PRKN: variants seen among roughly 807,000 people sequenced by gnomAD.
The protein encoded by PRKN is parkin RBR E3 ubiquitin protein ligase, also known as E3 ubiquitin-protein ligase parkin.
PRKN carries 56 observed loss-of-function variants against 59.5 expected under a neutral mutation model. The observed-to-expected ratio is 0.94, with a 90% CI of 0.76 to 1.18. The LOEUF (loss-of-function observed/expected upper bound fraction) is 1.18, where lower values mean the gene tolerates loss of function less well. Among genes scored for constraint, PRKN ranks in the 50% most tolerant of loss-of-function variants. The pLI is 0.00. For missense variants in PRKN, 657 were observed against 596.4 expected (o/e 1.10, Z -1.06); for synonymous variants, 250 against 222.1 (o/e 1.13, Z -1.12).
rs139673142 is a variant in PRKN, at chr6:161,578,182, C to G, written c.872-8766G>C. On this transcript the variant is annotated intron_variant, in intron 7 of 11. Coordinates refer to ENST00000366898, the MANE Select transcript of PRKN (RefSeq NM_004562.3). This position sits in a 1 kb window ranked among gnomAD's most constrained non-coding sequence, Gnocchi z 4.2. ...TGGCTTGGAATCAAAGAGGCCAAAG[C>G]CTGGAGTGTTTGAGGAATCCAAGCA... is the stretch of plus-strand genomic sequence containing the variant. Among the ~76,000 whole-genome samples, 2 of 152,014 alleles carry G rather than the reference C, an allele frequency of 1.3e-5. No individual in the cohort carries two copies. Among genetic ancestry groups the G allele is most frequent in the African/African-American group, 4.8e-5 (2 of 41,488 alleles).
At chr6:162,544,964 A>G (rs1027959833) in intron 1 of PRKN, among the ~76,000 whole-genome samples, 14 of 148,420 alleles carry the variant, frequency 9.4e-5, no homozygotes, top group African/African-American at 3.4e-4. Flanking sequence ...GGTGTGAGCC[A>G]CCGCGCCCGG....
chr6:161,719,375 A>C (rs1787126928), intron 7 of PRKN, among the ~76,000 whole-genome samples: 1 of 152,122 alleles, frequency 6.6e-6, no homozygotes, highest in African/African-American at 2.4e-5. Flanking sequence ...GGGTGGGCAA[A>C]TGTTTTCTGT....
At chr6:161,557,684 T>C (rs1324541509) in intron 8 of PRKN, among the ~76,000 whole-genome samples, 1 of 152,138 alleles carries the variant, frequency 6.6e-6, no homozygotes, top group Non-Finnish European at 1.5e-5. Flanking sequence ...GAATCTAATT[T>C]TAAAAACTAC....
intron 6 of PRKN, among the ~76,000 whole-genome samples, chr6:161,886,249 TAC>T (rs1227053192): frequency 6.6e-6 from 1 of 152,192 alleles, no homozygotes; most frequent in Non-Finnish European, 1.5e-5. Flanking sequence ...TTCGACGAAA[TAC>T]AGATTTACTG....
At chr6:162,263,649 G>C (rs1277601982) in intron 2 of PRKN, among the ~76,000 whole-genome samples, 1 of 152,186 alleles carries the variant, frequency 6.6e-6, no homozygotes, top group African/African-American at 2.4e-5. Context: ...TGGAATTCTA[G>C]TTTCAGAATA....
chr6:162,395,061 TCTCAATCAA>T (rs930023120), intron 2 of PRKN, among the ~76,000 whole-genome samples: 1 of 152,166 alleles, frequency 6.6e-6, no homozygotes, highest in African/African-American at 2.4e-5. Context: ...AGATATACTA[TCTCAATCAA>T]CTCACCTATG....
chr6:162,228,803 G>T (rs1015613112), intron 3 of PRKN, among the ~76,000 whole-genome samples: 1 of 152,072 alleles, frequency 6.6e-6, no homozygotes, highest in African/African-American at 2.4e-5. Flanking sequence ...TTTAAATAGA[G>T]CTCCAATCTT....
intron 2 of PRKN, among the ~76,000 whole-genome samples, chr6:162,274,669 A>C (rs1282476713): frequency 6.6e-6 from 1 of 152,186 alleles, no homozygotes; most frequent in African/African-American, 2.4e-5. Flanking sequence ...CTGTTTTTAC[A>C]ATTAAATTTG....
intron 7 of PRKN, among the ~76,000 whole-genome samples, chr6:161,644,475 A>G (rs965609943): frequency 2.0e-5 from 3 of 152,246 alleles, no homozygotes; most frequent in African/African-American, 7.2e-5. Flanking sequence ...AAGAGGTGGT[A>G]GACACGTGGA....
chr6:162,283,066 C>A (rs1198454485), intron 2 of PRKN, among the ~76,000 whole-genome samples: 1 of 149,318 alleles, frequency 6.7e-6, no homozygotes, highest in Non-Finnish European at 1.5e-5. Context: ...TTTTTTTCTA[C>A]TTTTCTGTCA....
At chr6:162,107,476 A>G (rs555598624) in intron 4 of PRKN, among the ~76,000 whole-genome samples, 73 of 152,280 alleles carry the variant, frequency 4.8e-4, no homozygotes, top group African/African-American at 1.7e-3. Context: ...AAATAAATAA[A>G]TGAATAAAAA....
intron 1 of PRKN, among the ~76,000 whole-genome samples, chr6:162,631,400 T>C (rs944404054): frequency 9.2e-5 from 14 of 152,206 alleles, no homozygotes; most frequent in Non-Finnish European, 1.8e-4. Flanking sequence ...GCGTTCTGCC[T>C]GGAATTCCTT....
At chr6:162,321,321 T>G (rs1024935155) in intron 2 of PRKN, among the ~76,000 whole-genome samples, 2 of 151,856 alleles carry the variant, frequency 1.3e-5, no homozygotes, top group African/African-American at 4.8e-5. Context: ...CTACTAAATT[T>G]CAAGCCAGAG....
At chr6:162,154,726 TAA>T (rs1298086278) in intron 4 of PRKN, among the ~76,000 whole-genome samples, 1 of 152,054 alleles carries the variant, frequency 6.6e-6, no homozygotes, top group South Asian at 2.1e-4. Context: ...CATCAGAAAG[TAA>T]AAGAGCATCA....
chr6:162,622,130 T>A (rs891908777), intron 1 of PRKN, among the ~76,000 whole-genome samples: 9 of 152,032 alleles, frequency 5.9e-5, no homozygotes, highest in South Asian at 2.1e-4. Context: ...CACTTTAAGT[T>A]GAAGAAAAAA....
At chr6:161,623,303 C>A (rs1782973469) in intron 7 of PRKN, among the ~76,000 whole-genome samples, 1 of 152,116 alleles carries the variant, frequency 6.6e-6, no homozygotes, top group African/African-American at 2.4e-5. Context: ...CTCTCTTCAA[C>A]CATGTTTTCC....
At position 161,454,343 on chromosome 6, in the gene PRKN, C is replaced by G. The variant is rs1270874200; in HGVS notation, c.1084-67466G>C. The stretch of plus-strand genomic sequence containing the variant: ...CGTTATTAGATCCTTGGGTAATTCT[C>G]CATACTCTGAAGTTCTTGAAGAAGG... On this transcript the variant is annotated intron_variant, in intron 9 of 11. Transcript: ENST00000366898. This position sits in a 1 kb window ranked among gnomAD's most constrained non-coding sequence, Gnocchi z 4.6. Among the ~76,000 whole-genome samples the G allele has an allele frequency of 6.6e-6, 1 of 152,156 alleles. No individual in the cohort carries two copies. Among genetic ancestry groups the G allele is most frequent in the Non-Finnish European group, 1.5e-5 (1 of 68,038 alleles).
In PRKN at chr6:162,458,752, A is replaced by G; in HGVS notation, c.8-15279T>C. On this transcript the variant is annotated intron_variant, in intron 1 of 11. Coordinates refer to ENST00000366898, the MANE Select transcript of PRKN (RefSeq NM_004562.3). ...ATAAATTTATTTCACTAATTTTAGG[A>G]TAAAGAAAATGAATAAAATTAAATG... 2.6e-5 allele frequency among the ~76,000 whole-genome samples: 4 copies of G among 151,778 alleles called. No individual in the cohort carries two copies. In the South Asian group the frequency reaches 8.3e-4, roughly 32 times the overall value.
intron 1 of PRKN, among the ~76,000 whole-genome samples, chr6:162,708,259 CTGTA>C (rs1778405764): frequency 6.6e-6 from 1 of 152,150 alleles, no homozygotes; most frequent in Non-Finnish European, 1.5e-5. Context: ...TATCTGAAAA[CTGTA>C]TGAGAAACCA....
Sources: allele counts gnomAD v4.1 joint callset (sites outside exome capture counted in the v4.1 genomes callset), GRCh38; gene constraint gnomAD v4.1.1; non-coding constraint Gnocchi (gnomAD v3.1); transcripts MANE v1.5; gene names NCBI Gene and HGNC (gene_info 2026-07-23, HGNC 2026-07-21).